The following BIRC6 variants were observed in gnomAD, a reference collection of about 807,000 sequenced individuals.
BIRC6 encodes the protein baculoviral IAP repeat containing 6, also known as dual E2 ubiquitin-conjugating enzyme/E3 ubiquitin-protein ligase BIRC6.
A neutral mutation model predicts 503.3 loss-of-function variants in BIRC6; 98 were observed. The observed-to-expected ratio is 0.19, with a 90% CI of 0.17 to 0.23. The LOEUF is 0.23. Among genes scored for constraint, BIRC6 ranks in the 10% least tolerant of loss-of-function variants. BIRC6 has a pLI of 1.00. For missense variants in BIRC6, 5,360 were observed against 5,806.0 expected (o/e 0.92, Z 2.50); for synonymous variants, 2,240 against 2,078.7 (o/e 1.08, Z -2.11).
At chr2:32,610,251 C>T (rs1355877948) in intron 72 of BIRC6, among the ~76,000 whole-genome samples, 1 of 152,166 alleles carries the variant, frequency 6.6e-6, no homozygotes, top group East Asian at 1.9e-4. Context: ...GGGCAATGCT[C>T]AACCAGAATA....
chr2:32,435,065 C>CTA (rs534888832), intron 13 of BIRC6, among the ~76,000 whole-genome samples: 16 of 152,036 alleles, frequency 1.1e-4, no homozygotes, highest in Non-Finnish European at 2.2e-4. Context: ...GGATGGATGA[C>CTA]TATATGTGTG....
chr2:32,536,608 A>G (rs1195495006), intron 61 of BIRC6, among the ~76,000 whole-genome samples: 1 of 152,140 alleles, frequency 6.6e-6, no homozygotes, highest in Non-Finnish European at 1.5e-5. Flanking sequence ...CAAAGATCAG[A>G]TGGTTGTAGA....
In BIRC6 at chr2:32,613,143, A is replaced by T. The variant is rs2062992964; in HGVS notation, c.14394+1561A>T. Among the ~76,000 whole-genome samples, 3 of 151,252 alleles carry T rather than the reference A, an allele frequency of 2.0e-5. No individual in the cohort carries two copies. The South Asian group carries it at 6.3e-4, about 32-fold the overall frequency. On this transcript the variant is annotated intron_variant, in intron 73 of 73. Transcript: ENST00000421745. ...CTCTTCTGCTTGCTCACCTCCATTC[A>T]TATTTCAGCTTAAATTTCACTTCAT...
At chr2:32,380,394 ATTTTTCT>A (rs2037448852) in intron 3 of BIRC6, 104 bp downstream of exon 3, 2 of 1,379,514 alleles carry the variant, frequency 1.4e-6, no homozygotes, top group Non-Finnish European at 1.9e-6. Flanking sequence ...CTAATTCTAG[ATTTTTCT>A]TTTAAAAAGC....
intron 65 of BIRC6, chr2:32,574,891 G>A: frequency 2.2e-6 from 1 of 449,628 alleles, no homozygotes; most frequent in Non-Finnish European, 4.1e-6. Context: ...GAGATTACAG[G>A]CATGCGCCAT....
intron 66 of BIRC6, among the ~76,000 whole-genome samples, chr2:32,578,807 C>CATACATACATAA (rs2060443891): frequency 4.8e-5 from 7 of 145,848 alleles, no homozygotes; most frequent in Non-Finnish European, 9.1e-5. Flanking sequence ...TCAAAAAATA[C>CATACATACATAA]ATACATACAT....
At chr2:32,372,709 A>G (rs538806711) in intron 1 of BIRC6, among the ~76,000 whole-genome samples, 11 of 152,266 alleles carry the variant, frequency 7.2e-5, no homozygotes, top group African/African-American at 2.4e-4. Flanking sequence ...GTGCGCCTGT[A>G]GTCCCAGCTA....
At chr2:32,450,436 C>CG (rs1348326505) in intron 22 of BIRC6, among the ~76,000 whole-genome samples, 8 of 151,566 alleles carry the variant, frequency 5.3e-5, no homozygotes, top group Non-Finnish European at 1.5e-5. Context: ...CACTCCAGCC[C>CG]GGGCGAAAGA....
intron 20 of BIRC6, among the ~76,000 whole-genome samples, chr2:32,444,226 G>A (rs78984738): frequency 0.01 from 1,546 of 152,176 alleles, 19 homozygotes; most frequent in Middle Eastern, 0.017. Context: ...GCACAGTAGG[G>A]TGACTGTAAT....
intron 65 of BIRC6, among the ~76,000 whole-genome samples, chr2:32,550,242 G>C (rs1343775490): frequency 6.6e-6 from 1 of 152,116 alleles, no homozygotes; most frequent in Non-Finnish European, 1.5e-5. Context: ...AGGAAGAATA[G>C]ATAAGGGAAA....
chr2:32,552,890 T>G (rs1206850848), intron 65 of BIRC6, among the ~76,000 whole-genome samples: 1 of 149,812 alleles, frequency 6.7e-6, no homozygotes, highest in Non-Finnish European at 1.5e-5. Context: ...TTATGTTTAC[T>G]TAATTATATA....
intron 54 of BIRC6, among the ~76,000 whole-genome samples, chr2:32,513,555 G>A (rs563391250): frequency 5.9e-5 from 9 of 151,830 alleles, no homozygotes; most frequent in African/African-American, 1.7e-4. Context: ...TGGGAAGATC[G>A]CTTGAGTCAG....
chr2:32,415,645 A>G lies in BIRC6; in HGVS notation c.2354A>G (p.Glu785Gly), dbSNP rs1396274821. The G allele has an allele frequency of 6.2e-7, 1 of 1,613,968 alleles. No homozygotes were observed. ...ALCNRRKGELESNLAVVNGAN... is the reference protein window; with the variant it reads ...ALCNRRKGELGSNLAVVNGAN... ...TGTAATAGACGGAAAGGTGAGCTGG[A>G]ATCAAATCTTGCTGTAGTGAATGGT... The change falls in exon 10 of 74, where the codon GAA becomes GGA. Residue 785 changes from glutamate (E) to glycine (G), a missense_variant. Transcript: ENST00000421745.
chr2:32,534,950 A>G (rs2057095157), intron 61 of BIRC6, among the ~76,000 whole-genome samples: 1 of 151,680 alleles, frequency 6.6e-6, no homozygotes, highest in South Asian at 2.1e-4. Flanking sequence ...TCAATTCAAC[A>G]TGTAAGAAAC....
chr2:32,379,981 A>G (rs753365412), intron 2 of BIRC6, among the ~76,000 whole-genome samples, 172 bp from the exon 3 acceptor site: 1 of 152,188 alleles, frequency 6.6e-6, no homozygotes, highest in Non-Finnish European at 1.5e-5. Context: ...TAATTTTATA[A>G]TAGCCCTTTA....
rs766899020 is a variant in BIRC6 at position 32,607,521 on chromosome 2, C to T, written c.14137C>T (p.Arg4713Trp). ...EPYFNEPGYE[R>W]SRGTPSGTQS... ...TTATTTTAATGAACCGGGATATGAACGGTCTAGAGGCACTCCCAGTGGCAC... is the reference window on the plus strand; with the variant it reads ...TTATTTTAATGAACCGGGATATGAATGGTCTAGAGGCACTCCCAGTGGCAC... Residue 4713 changes from arginine (R) to tryptophan (W), a missense_variant, in exon 72 of 74, where the codon CGG (arginine) becomes TGG (tryptophan). Physicochemically the swap from Arg to Trp is moderately radical, Grantham distance 101. Coordinates refer to ENST00000421745, the MANE Select transcript of BIRC6 (RefSeq NM_016252.4). The T allele has an allele frequency of 6.2e-7, 1 of 1,612,246 alleles. No individual in the cohort carries two copies. The highest frequency in any genetic ancestry group is 1.1e-5 in the South Asian group (1 of 90,896).
chr2:32,529,616 C>T (rs770281613), intron 59 of BIRC6, 35 bp from the exon 60 acceptor site: 10 of 1,449,254 alleles, frequency 6.9e-6, no homozygotes, highest in Middle Eastern at 1.8e-4. Flanking sequence ...GTTTCTTTCT[C>T]GGTTTCCAGA....
rs1394091906 is a variant in BIRC6, at chr2:32,515,121, C to T, written c.10700C>T (p.Thr3567Ile). 3 of 1,613,822 alleles carry T rather than the reference C, an allele frequency of 1.9e-6. No homozygotes were observed. The highest frequency in any genetic ancestry group is 2.2e-5 in the South Asian group (2 of 91,090). The change falls in exon 55 of 74, where the codon ACC (threonine) becomes ATC (isoleucine). Residue 3567 changes from threonine to isoleucine, a missense_variant. This residue lies in a region of BIRC6 where 878 missense variants were observed against 928.9 expected (regional missense o/e 0.95). Transcript: ENST00000421745. ...TTGCTCATGGGCTGGATGGGAATTACCCCTCCTCCAGTGCAATGTCATCAT... is the reference window on the plus strand; with the variant it reads ...TTGCTCATGGGCTGGATGGGAATTATCCCTCCTCCAGTGCAATGTCATCAT... Reference protein sequence around the residue: ...FSLLMGWMGITPPPVQCHHRL... With the variant: ...FSLLMGWMGIIPPPVQCHHRL...
intron 1 of BIRC6, among the ~76,000 whole-genome samples, chr2:32,363,684 T>G (rs952183956): frequency 6.6e-6 from 1 of 152,196 alleles, no homozygotes; most frequent in African/African-American, 2.4e-5. Context: ...TTTTAGTTCT[T>G]TTATGAACTC....
Sources: allele counts gnomAD v4.1 joint callset (sites outside exome capture counted in the v4.1 genomes callset), GRCh38; gene constraint gnomAD v4.1.1; regional missense constraint gnomAD v4.1.1; transcripts MANE v1.5; gene names NCBI Gene and HGNC (gene_info 2026-07-23, HGNC 2026-07-21).